SLC24A3: variants seen among roughly 807,000 people sequenced by gnomAD.
The protein encoded by SLC24A3 is solute carrier family 24 member 3, also known as sodium/potassium/calcium exchanger 3.
SLC24A3 carries 28 observed loss-of-function variants against 75.8 expected under a neutral mutation model. That is an observed-to-expected ratio of 0.37 (90% confidence interval 0.27 to 0.51). The LOEUF (loss-of-function observed/expected upper bound fraction) is 0.51, where lower values mean the gene tolerates loss of function less well. SLC24A3 is among the 20% of genes least tolerant of loss of function. The pLI, the probability that SLC24A3 is intolerant of heterozygous loss-of-function variation, is 0.94. For missense variants in SLC24A3, 663 were observed against 847.8 expected (o/e 0.78, Z 2.71); for synonymous variants, 372 against 334.1 (o/e 1.11, Z -1.24).
intron 2 of SLC24A3, among the ~76,000 whole-genome samples, chr20:19,386,701 G>A (rs1221932313): frequency 3.3e-5 from 5 of 152,028 alleles, no homozygotes; most frequent in East Asian, 1.9e-4. Flanking sequence ...TTCTATTAAC[G>A]TGATTTGTCA....
At chr20:19,610,868 T>G (rs1372716590) in intron 6 of SLC24A3, among the ~76,000 whole-genome samples, 1 of 151,990 alleles carries the variant, frequency 6.6e-6, no homozygotes, top group African/African-American at 2.4e-5. Flanking sequence ...GAGGGCAGAG[T>G]GGGCTCGGGC....
chr20:19,304,520 T>C (rs1180457132), intron 2 of SLC24A3, among the ~76,000 whole-genome samples: 1 of 152,168 alleles, frequency 6.6e-6, no homozygotes, highest in African/African-American at 2.4e-5. Flanking sequence ...GTCCCCTGAG[T>C]TGATAAGCTC....
chr20:19,621,805 T>A (rs1179835580), intron 6 of SLC24A3, among the ~76,000 whole-genome samples: 2 of 152,222 alleles, frequency 1.3e-5, no homozygotes, highest in African/African-American at 4.8e-5. Flanking sequence ...CCGTCTTCCC[T>A]GGAACCCCTG....
At chr20:19,330,860 G>A (rs897200643) in intron 2 of SLC24A3, among the ~76,000 whole-genome samples, 4 of 152,224 alleles carry the variant, frequency 2.6e-5, no homozygotes, top group Non-Finnish European at 5.9e-5. Flanking sequence ...CAAGGAGACC[G>A]ATGGTCATGG....
chr20:19,639,006 C>G (rs576405162), intron 6 of SLC24A3, among the ~76,000 whole-genome samples: 8 of 152,114 alleles, frequency 5.3e-5, no homozygotes, highest in Non-Finnish European at 1.2e-4. Context: ...GGAAGGGGAC[C>G]CCAGTGGGTT....
intron 2 of SLC24A3, among the ~76,000 whole-genome samples, chr20:19,481,863 A>C (rs540727158): frequency 1.3e-5 from 2 of 151,942 alleles, no homozygotes; most frequent in South Asian, 4.2e-4. Context: ...CTCTAGCCTT[A>C]TAATCTTGGG....
intron 2 of SLC24A3, among the ~76,000 whole-genome samples, chr20:19,338,504 G>A (rs1356786206): frequency 6.6e-6 from 1 of 152,196 alleles, no homozygotes; most frequent in Admixed American, 6.5e-5. Context: ...TGAGAATCGT[G>A]TCTGCTCAGT....
chr20:19,686,221 C>T (rs1456558298), intron 12 of SLC24A3, among the ~76,000 whole-genome samples: 1 of 152,166 alleles, frequency 6.6e-6, no homozygotes, highest in Non-Finnish European at 1.5e-5. Flanking sequence ...TCACTCACCT[C>T]CACCCATCCC....
At chr20:19,304,792 T>C (rs1984281474) in intron 2 of SLC24A3, among the ~76,000 whole-genome samples, 1 of 152,102 alleles carries the variant, frequency 6.6e-6, no homozygotes, top group Non-Finnish European at 1.5e-5. Flanking sequence ...CTAGAAAAGA[T>C]GAAATTGTAC....
At chr20:19,474,274 C>T (rs555993558) in intron 2 of SLC24A3, among the ~76,000 whole-genome samples, 16 of 152,332 alleles carry the variant, frequency 1.1e-4, no homozygotes, top group Admixed American at 3.3e-4. Context: ...CTGTGTCCCC[C>T]GGGGCTCCCC....
At chr20:19,604,040 T>G (rs372584827) in intron 6 of SLC24A3, among the ~76,000 whole-genome samples, 1 of 152,172 alleles carries the variant, frequency 6.6e-6, no homozygotes. Flanking sequence ...ACTTACTCCA[T>G]CGGTGAGTAT....
intron 4 of SLC24A3, among the ~76,000 whole-genome samples, chr20:19,581,894 G>T (rs2031223334): frequency 1.3e-5 from 2 of 152,228 alleles, no homozygotes; most frequent in Admixed American, 1.3e-4. Context: ...GATACTGGAG[G>T]AGTGGGCACA....
At chr20:19,461,721 C>T (rs143023680) in intron 2 of SLC24A3, among the ~76,000 whole-genome samples, 3,659 of 151,738 alleles carry the variant, frequency 0.024, 143 homozygotes, top group African/African-American at 0.084. Context: ...TTAGTAGAGA[C>T]GAGGTTTCAC....
At chr20:19,626,346 T>C (rs941374614) in intron 6 of SLC24A3, among the ~76,000 whole-genome samples, 4 of 152,328 alleles carry the variant, frequency 2.6e-5, no homozygotes, top group African/African-American at 9.6e-5. Context: ...ACCAAGAATA[T>C]TCTTATCATT....
At chr20:19,330,097 A>G (rs966887822) in intron 2 of SLC24A3, among the ~76,000 whole-genome samples, 1 of 152,226 alleles carries the variant, frequency 6.6e-6, no homozygotes, top group African/African-American at 2.4e-5. Flanking sequence ...GGGGCTAACC[A>G]GATGACACAC....
intron 2 of SLC24A3, among the ~76,000 whole-genome samples, chr20:19,453,881 T>TCCCAGGCTGCCCAGGCTG (rs1381570614): frequency 6.6e-6 from 1 of 152,156 alleles, no homozygotes; most frequent in East Asian, 1.9e-4. Context: ...CTTAGGGTGT[T>TCCCAGGCTGCCCAGGCTG]CCCAGGCTGC....
At chr20:19,560,548 G>A (rs569446050) in intron 3 of SLC24A3, among the ~76,000 whole-genome samples, 1 of 152,304 alleles carries the variant, frequency 6.6e-6, no homozygotes, top group African/African-American at 2.4e-5. Flanking sequence ...GGGCAGAAGG[G>A]TACATCTGCT....
At chr20:19,526,580 C>T (rs994051917) in intron 3 of SLC24A3, among the ~76,000 whole-genome samples, 22 of 152,112 alleles carry the variant, frequency 1.4e-4, no homozygotes, top group African/African-American at 5.1e-4. Context: ...TTAGCTCTAC[C>T]AACACCAGAT....
intron 9 of SLC24A3, among the ~76,000 whole-genome samples, chr20:19,680,986 G>A (rs1031510219): frequency 2.0e-5 from 3 of 152,182 alleles, no homozygotes; most frequent in African/African-American, 4.8e-5. Flanking sequence ...GCCAGTAAAC[G>A]ATGGAGGGGG....
Sources: allele counts gnomAD v4.1 joint callset (sites outside exome capture counted in the v4.1 genomes callset), GRCh38; gene constraint gnomAD v4.1.1; transcripts MANE v1.5; gene names NCBI Gene and HGNC (gene_info 2026-07-23, HGNC 2026-07-21).